The following PANK2 variants were observed in gnomAD, a reference collection of about 807,000 sequenced individuals.
The protein encoded by PANK2 is pantothenate kinase 2.
In PANK2, 36 loss-of-function variants were observed where a neutral mutation model predicts 43.1. The observed-to-expected ratio is 0.84, with a 90% CI of 0.64 to 1.10. The LOEUF is 1.10. Ranked by LOEUF, PANK2 falls within the 50% of genes least tolerant of loss-of-function variation. The pLI is 0.00. For synonymous variants in PANK2, 281 were observed against 238.2 expected (o/e 1.18, Z -1.66); for missense variants, 576 against 593.3 (o/e 0.97, Z 0.30).
intron 1 of PANK2, among the ~76,000 whole-genome samples, chr20:3,906,667 CAAT>C (rs1246946005): frequency 6.8e-6 from 1 of 147,012 alleles, no homozygotes; most frequent in African/African-American, 2.7e-5. Flanking sequence ...ATAAAAAAAA[CAAT>C]AAATACTTGA....
intron 4 of PANK2, among the ~76,000 whole-genome samples, chr20:3,913,158 C>G (rs901192231): frequency 1.3e-5 from 2 of 152,026 alleles, no homozygotes; most frequent in Admixed American, 6.6e-5. Flanking sequence ...CTACGACTCT[C>G]CATTCCCCCC....
chr20:3,891,672 C>G (rs1037762384), intron 1 of PANK2, among the ~76,000 whole-genome samples: 1 of 152,128 alleles, frequency 6.6e-6, no homozygotes, highest in Non-Finnish European at 1.5e-5. Flanking sequence ...GGAAGTACTT[C>G]CAAATATTGA....
At chr20:3,889,091 G>A (rs2090062442), upstream of PANK2, 4 of 1,535,254 alleles carry the variant, frequency 2.6e-6, no homozygotes, top group Middle Eastern at 2.3e-4. Context: ...GGGGCGGAAG[G>A]AGGGGGTGGA....
At chr20:3,910,364 T>G (rs1358667324) in intron 2 of PANK2, among the ~76,000 whole-genome samples, 2 of 151,902 alleles carry the variant, frequency 1.3e-5, no homozygotes, top group African/African-American at 2.4e-5. Context: ...AGTTTCTATG[T>G]AGAGTGTATT....
chr20:3,903,907 G>A (rs949858627), intron 1 of PANK2, among the ~76,000 whole-genome samples: 4 of 151,928 alleles, frequency 2.6e-5, no homozygotes, highest in South Asian at 2.1e-4. Flanking sequence ...GATTACAGGC[G>A]TGAGCCACTG....
chr20:3,915,443 G>T lies in PANK2; in HGVS notation c.1083-1484G>T, dbSNP rs560700694. 1.3e-3 allele frequency among the ~76,000 whole-genome samples: 199 copies of T among 152,078 alleles called. 1 individual carries two copies. Among genetic ancestry groups the T allele is most frequent in the Non-Finnish European group, 1.8e-3 (123 of 67,966 alleles). The stretch of plus-strand genomic sequence containing the variant: ...CCTCCTGAGTAGCTGGGACTACAGT[G>T]CGTGCCGCCACACCCAGCTAATTTT... On this transcript the variant is annotated intron_variant, in intron 4 of 6. Coordinates refer to ENST00000610179, the MANE Select transcript of PANK2 (RefSeq NM_001386393.1).
In PANK2 at chr20:3,925,477, G is replaced by T. The variant is rs561900182; in HGVS notation, c.*2183G>T. 6.6e-6 allele frequency: 1 copy of T among 152,256 alleles called. No individual in the cohort carries two copies. The highest frequency in any genetic ancestry group is 1.5e-5 in the Non-Finnish European group (1 of 68,126). 9.4% of individuals were successfully genotyped at this position (152,256 alleles called of 1,614,324 possible). A position where few individuals can be genotyped will look rare whatever the true frequency, so the allele number is the denominator to read the frequency against. On this transcript the variant is annotated 3_prime_UTR_variant, in exon 7 of 7. Transcript: ENST00000610179. ...TCGAACTCCAGACCCCAGGTGATCCGCCTGCCTTGGCCTCCCAAAGTGCTG... is the reference window on the plus strand; with the variant it reads ...TCGAACTCCAGACCCCAGGTGATCCTCCTGCCTTGGCCTCCCAAAGTGCTG...
chr20:3,919,284 GTTAAT>G, intron 6 of PANK2, among the ~76,000 whole-genome samples: 1 of 151,978 alleles, frequency 6.6e-6, no homozygotes, highest in East Asian at 1.9e-4. Flanking sequence ...TAAATTTTGG[GTTAAT>G]TTAATTGTAA....
At chr20:3,912,224 G>T (rs920947405) in intron 3 of PANK2, among the ~76,000 whole-genome samples, 1 of 152,188 alleles carries the variant, frequency 6.6e-6, no homozygotes, top group Non-Finnish European at 1.5e-5. Flanking sequence ...CAGACAGCCA[G>T]ACTGCACTGG....
chr20:3,922,572 G>A (rs1255922093), intron 6 of PANK2, among the ~76,000 whole-genome samples: 1 of 152,098 alleles, frequency 6.6e-6, no homozygotes, highest in Admixed American at 6.5e-5. Context: ...AGTGATCCAG[G>A]TGTCTGGTGA....
chr20:3,893,931 G>GTTTTTTTTTTTTTTTTTTTTTTTT (rs374582085), intron 1 of PANK2, among the ~76,000 whole-genome samples: 1 of 73,180 alleles, frequency 1.4e-5, no homozygotes, highest in African/African-American at 4.1e-5. Flanking sequence ...TTTGTTTTTT[G>GTTTTTTTTTTTTTTTTTTTTTTTT]TTTTTTTTTT....
In PANK2 at chr20:3,902,972, G is replaced by GACACACACACACACACAC. The variant is rs11468265; in HGVS notation, c.299-4925_299-4908dup. ...CCATGAGTTTCGACAGATGTGTATA[G>GACACACACACACACACAC]ACACACACACACACACACACACACA... On this transcript the variant is annotated intron_variant, in intron 1 of 6. Transcript: ENST00000610179. Among the ~76,000 whole-genome samples, 171 of 141,424 alleles carry GACACACACACACACACAC rather than the reference G, an allele frequency of 1.2e-3. 1 individual carries two copies. The highest frequency in any genetic ancestry group is 4.2e-3 in the African/African-American group (159 of 37,432). The allele number at this position is 141,424 out of a possible 152,430, so 92.8% of individuals were successfully genotyped here. A position where few individuals can be genotyped will look rare whatever the true frequency, so the allele number is the denominator to read the frequency against.
At chr20:3,922,584 C>T (rs71647855) in intron 6 of PANK2, among the ~76,000 whole-genome samples, 2,242 of 152,244 alleles carry the variant, frequency 0.015, 70 homozygotes, top group African/African-American at 0.051. Flanking sequence ...GTCTGGTGAC[C>T]ACCCGGGCAC....
Position 3,926,280 on chromosome 20 carries a change from C to A in PANK2, c.*2986C>A, listed in dbSNP as rs2090718391. ...CAAAGCAAGGGGGATTTCATGAGTTCTAAGGTAGGGTGAGAAAAATAACCG... is the reference window on the plus strand; with the variant it reads ...CAAAGCAAGGGGGATTTCATGAGTTATAAGGTAGGGTGAGAAAAATAACCG... On this transcript the variant is annotated 3_prime_UTR_variant, in exon 7 of 7. Transcript: ENST00000610179. 6.6e-6 allele frequency: 1 copy of A among 152,208 alleles called. No individual in the cohort carries two copies. Among genetic ancestry groups the A allele is most frequent in the African/African-American group, 2.4e-5 (1 of 41,398 alleles). The allele number at this position is 152,208 out of a possible 1,614,324, so 9.4% of individuals were successfully genotyped here.
chr20:3,917,708 G>A (rs2090584850), intron 5 of PANK2: 2 of 196,976 alleles, frequency 1.0e-5, no homozygotes, highest in South Asian at 1.7e-4. Context: ...TAATAGGCAT[G>A]TAGCTTAAAA....
chr20:3,889,562 C>G lies in PANK2; in HGVS notation c.132C>G (p.Asp44Glu). Residue 44 changes from aspartate to glutamate, a missense_variant, in exon 1 of 7, where the codon GAC becomes GAG. Physicochemically the swap from Asp to Glu is conservative, Grantham distance 45 (BLOSUM62 2). Coordinates refer to ENST00000610179, the MANE Select transcript of PANK2 (RefSeq NM_001386393.1). ...CGGCTGGGGAGCAGGCGGCCGGGGA[C>G]CCCGAAGGGCGGCGGCAGGAGCCAC... is the stretch of plus-strand genomic sequence containing the variant. The G allele has an allele frequency of 6.3e-6, 9 of 1,439,112 alleles. No homozygotes were observed. Among genetic ancestry groups the G allele is most frequent in the Non-Finnish European group, 8.1e-6 (9 of 1,106,520 alleles). The allele number at this position is 1,439,112 out of a possible 1,614,324, so 89.1% of individuals were successfully genotyped here.
At position 3,889,479 on chromosome 20, in the gene PANK2, G is replaced by A. The variant is rs1214737069; in HGVS notation, c.49G>A (p.Gly17Ser). Reference sequence around the variant, plus strand: ...GCGACTGCTGCTGCGGATGGGAGGGGGCCGGCTCGGCGCGCCCATGGAGCG... The same window carrying A: ...GCGACTGCTGCTGCGGATGGGAGGGAGCCGGCTCGGCGCGCCCATGGAGCG... Residue 17 changes from glycine (G) to serine (S), a missense_variant, in exon 1 of 7, where the codon GGC becomes AGC. Physicochemically the swap from Gly to Ser is moderately conservative, Grantham distance 56. Around this residue, in one of 2 missense-constraint regions of PANK2, gnomAD observed 544 missense variants for 528.9 expected, o/e 1.03. Coordinates refer to ENST00000610179, the MANE Select transcript of PANK2 (RefSeq NM_001386393.1). 1 of 1,493,938 alleles carries A rather than the reference G, an allele frequency of 6.7e-7. No individual in the cohort carries two copies. Among genetic ancestry groups the A allele is most frequent in the Admixed American group, 2.3e-5 (1 of 42,972 alleles). The allele number at this position is 1,493,938 out of a possible 1,614,324, so 92.5% of individuals were successfully genotyped here. A position where few individuals can be genotyped will look rare whatever the true frequency, so the allele number is the denominator to read the frequency against.
chr20:3,889,571 G>T lies in PANK2; in HGVS notation c.141G>T (p.Gly47=). 1 of 1,451,442 alleles carries T rather than the reference G, an allele frequency of 6.9e-7. No homozygotes were observed. The highest frequency in any genetic ancestry group is 9.0e-7 in the Non-Finnish European group (1 of 1,111,956). 89.9% of individuals were successfully genotyped at this position (1,451,442 alleles called of 1,614,324 possible). ...AGCAGGCGGCCGGGGACCCCGAAGG[G>T]CGGCGGCAGGAGCCACTGCGGCGCC... Residue 47 remains glycine (G), a synonymous_variant, in exon 1 of 7, where the codon GGG becomes GGT. Coordinates refer to ENST00000610179, the MANE Select transcript of PANK2 (RefSeq NM_001386393.1).
chr20:3,888,940 A>ATATT, upstream of PANK2: 1 of 596,318 alleles, frequency 1.7e-6, no homozygotes, highest in Non-Finnish European at 2.9e-6. Flanking sequence ...TCTGCCGACG[A>ATATT]CCAGCGGCCA....
Sources: allele counts gnomAD v4.1 joint callset (sites outside exome capture counted in the v4.1 genomes callset), GRCh38; gene constraint gnomAD v4.1.1; regional missense constraint gnomAD v4.1.1; transcripts MANE v1.5; gene names NCBI Gene and HGNC (gene_info 2026-07-23, HGNC 2026-07-21).